The following CNTN5 variants were observed in gnomAD, a reference collection of about 807,000 sequenced individuals.
CNTN5 encodes contactin-5.
CNTN5 carries 77 observed loss-of-function variants against 129.1 expected under a neutral mutation model. The observed-to-expected ratio is 0.60, with a 90% confidence interval of 0.50 to 0.72. The LOEUF (loss-of-function observed/expected upper bound fraction) is 0.72, where lower values mean the gene tolerates loss of function less well. CNTN5 is among the 30% of genes least tolerant of loss of function. The probability of loss-of-function intolerance (pLI) is 0.00; values close to 1 mark genes in which losing one functional copy is unlikely to be tolerated. For synonymous variants in CNTN5, 509 were observed against 465.6 expected (o/e 1.09, Z -1.20); for missense variants, 1,478 against 1,328.8 (o/e 1.11, Z -1.75).
chr11:99,395,394 G>C (rs899678202), intron 2 of CNTN5, among the ~76,000 whole-genome samples: 6 of 151,050 alleles, frequency 4.0e-5, no homozygotes, highest in African/African-American at 1.2e-4. Context: ...ATTGTTTGTT[G>C]GTTTTCTTGT....
intron 2 of CNTN5, among the ~76,000 whole-genome samples, chr11:99,427,617 T>G (rs1943183272): frequency 6.6e-6 from 1 of 151,184 alleles, no homozygotes; most frequent in Non-Finnish European, 1.5e-5. Flanking sequence ...ATACAAAAAA[T>G]TAGCTGGGCA....
chr11:99,913,154 C>G (rs965405265), intron 6 of CNTN5, among the ~76,000 whole-genome samples: 1 of 151,978 alleles, frequency 6.6e-6, no homozygotes, highest in Non-Finnish European at 1.5e-5. Context: ...TCAAAGTTCT[C>G]TGATTAAATA....
rs548216039 is a variant in CNTN5 at position 99,618,319 on chromosome 11, G to A, written c.55+62050G>A. 7.9e-5 allele frequency among the ~76,000 whole-genome samples: 12 copies of A among 152,184 alleles called. No homozygotes were observed. In the South Asian group the frequency reaches 1.9e-3, roughly 24 times the overall value. Reference sequence around the variant, plus strand: ...TTCATGAAATTCTTATAAACTAACCGAAGGCAGGAACATGGTGGGTGGAAG... The same window carrying A: ...TTCATGAAATTCTTATAAACTAACCAAAGGCAGGAACATGGTGGGTGGAAG... On this transcript the variant is annotated intron_variant, in intron 3 of 24. Transcript: ENST00000524871.
At chr11:99,854,177 C>T (rs1947961950) in intron 6 of CNTN5, among the ~76,000 whole-genome samples, 1 of 152,090 alleles carries the variant, frequency 6.6e-6, no homozygotes, top group African/African-American at 2.4e-5. Flanking sequence ...ACCTGGAATA[C>T]CTGACCACTT....
intron 2 of CNTN5, among the ~76,000 whole-genome samples, chr11:99,367,043 G>A (rs1214768737): frequency 2.6e-5 from 4 of 152,086 alleles, no homozygotes. Context: ...ATATTAAAAT[G>A]TTTTTATGGT....
At chr11:99,825,574 A>G (rs923229085) in intron 4 of CNTN5, among the ~76,000 whole-genome samples, 21 of 151,978 alleles carry the variant, frequency 1.4e-4, no homozygotes, top group Admixed American at 1.3e-3. Flanking sequence ...TTTTGTGGTA[A>G]AAAGGATATC....
chr11:100,003,465 T>C (rs1189833950), intron 9 of CNTN5, among the ~76,000 whole-genome samples: 4 of 152,202 alleles, frequency 2.6e-5, no homozygotes, highest in Non-Finnish European at 5.9e-5. Flanking sequence ...TATTCTGGCT[T>C]GAAGACAAGG....
chr11:99,830,753 A>G (rs1947113759), intron 4 of CNTN5, among the ~76,000 whole-genome samples: 1 of 152,196 alleles, frequency 6.6e-6, no homozygotes, highest in Non-Finnish European at 1.5e-5. Flanking sequence ...TCTTAATTTT[A>G]AAGCCATTTA....
At chr11:100,077,443 G>C (rs1196482129) in intron 13 of CNTN5, among the ~76,000 whole-genome samples, 1 of 152,016 alleles carries the variant, frequency 6.6e-6, no homozygotes, top group Non-Finnish European at 1.5e-5. Flanking sequence ...AAGAACTATT[G>C]AAACAGCAAA....
chr11:99,327,186 C>T (rs977330890), intron 2 of CNTN5, among the ~76,000 whole-genome samples: 1 of 151,976 alleles, frequency 6.6e-6, no homozygotes, highest in African/African-American at 2.4e-5. Context: ...GAAAGACAAC[C>T]GAACCACTGA....
intron 3 of CNTN5, among the ~76,000 whole-genome samples, chr11:99,652,819 G>A (rs980869725): frequency 6.6e-6 from 1 of 151,976 alleles, no homozygotes; most frequent in Admixed American, 6.6e-5. Flanking sequence ...TACTGAATAT[G>A]TGCAGCAAAG....
intron 1 of CNTN5, among the ~76,000 whole-genome samples, chr11:99,189,131 C>G (rs372748975): frequency 6.6e-6 from 1 of 151,644 alleles, no homozygotes. Context: ...ACAATGTCCT[C>G]CCAGTTCAAC....
chr11:100,218,712 G>A (rs577876380), intron 15 of CNTN5, among the ~76,000 whole-genome samples: 3 of 152,322 alleles, frequency 2.0e-5, no homozygotes, highest in African/African-American at 7.2e-5. Context: ...CTTAACATAT[G>A]AGATATAATT....
intron 24 of CNTN5, 101 bp from the exon 25 acceptor site, chr11:100,356,016 A>G: frequency 1.4e-6 from 1 of 722,308 alleles, no homozygotes. Context: ...CAGAAACAGG[A>G]GCGATCTTGC....
chr11:99,217,142 T>A (rs1419246819), intron 1 of CNTN5, among the ~76,000 whole-genome samples: 1 of 152,116 alleles, frequency 6.6e-6, no homozygotes, highest in Non-Finnish European at 1.5e-5. Context: ...ATCGCACCAC[T>A]GCACTCCAGC....
rs577858776 is a variant in CNTN5 at position 99,155,196 on chromosome 11, C to T, written c.-210+133926C>T. Among the ~76,000 whole-genome samples, 4 of 152,264 alleles carry T rather than the reference C, an allele frequency of 2.6e-5. No homozygotes were observed. The South Asian group carries it at 6.2e-4, about 24-fold the overall frequency. ...CCTTGTGCAGGATACCCAGCTATTT[C>T]CCCCTTCCGCCCAGCATCTGTGTCC... On this transcript the variant is annotated intron_variant, in intron 1 of 24. Transcript: ENST00000524871.
At chr11:99,504,358 C>T (rs547409046) in intron 2 of CNTN5, among the ~76,000 whole-genome samples, 2 of 151,898 alleles carry the variant, frequency 1.3e-5, no homozygotes, top group East Asian at 1.9e-4. Context: ...ATGGCTAACA[C>T]GGTGAAACCC....
At chr11:99,782,855 G>A (rs1027511120) in intron 3 of CNTN5, among the ~76,000 whole-genome samples, 3 of 151,780 alleles carry the variant, frequency 2.0e-5, no homozygotes, top group African/African-American at 4.8e-5. Flanking sequence ...TTAAACGTTA[G>A]ACCTAAAACC....
intron 13 of CNTN5, among the ~76,000 whole-genome samples, chr11:100,099,014 G>A (rs1003764674): frequency 6.6e-6 from 1 of 151,970 alleles, no homozygotes; most frequent in Non-Finnish European, 1.5e-5. Flanking sequence ...TTAAAGGGCG[G>A]GAAAGACAAG....
Sources: allele counts gnomAD v4.1 joint callset (sites outside exome capture counted in the v4.1 genomes callset), GRCh38; gene constraint gnomAD v4.1.1; transcripts MANE v1.5; gene names NCBI Gene and HGNC (gene_info 2026-07-23, HGNC 2026-07-21).